TMTC1: variants seen among roughly 807,000 people sequenced by gnomAD.
TMTC1 encodes the protein protein O-mannosyl-transferase TMTC1.
A neutral mutation model predicts 104.8 loss-of-function variants in TMTC1; 73 were observed. The ratio of observed to expected loss-of-function variants is 0.70; its 90% confidence interval spans 0.58 to 0.85. The LOEUF is 0.85. Among genes scored for constraint, TMTC1 ranks in the 40% least tolerant of loss-of-function variants. The pLI, the probability that TMTC1 is intolerant of heterozygous loss-of-function variation, is 0.00. For synonymous variants in TMTC1, 434 were observed against 428.7 expected (o/e 1.01, Z -0.15); for missense variants, 1,035 against 1,096.1 (o/e 0.94, Z 0.79).
intron 9 of TMTC1, among the ~76,000 whole-genome samples, chr12:29,565,575 A>G (rs1164961604): frequency 1.3e-5 from 2 of 152,170 alleles, no homozygotes; most frequent in Non-Finnish European, 1.5e-5. Context: ...GGCCAGGTGG[A>G]GTGGCTCACG....
In TMTC1 at chr12:29,502,974, T is replaced by C. The variant is rs1565628210; in HGVS notation, c.*3872A>G. The C allele has an allele frequency of 6.6e-6, 1 of 152,224 alleles. No homozygotes were observed. The highest frequency in any genetic ancestry group is 1.5e-5 in the Non-Finnish European group (1 of 68,048). 9.4% of individuals were successfully genotyped at this position (152,224 alleles called of 1,614,324 possible). ...TTCAATCTGAGAACCTGGAATGTTT[T>C]ACAATGAAAACAGGAAACCCACATT... On this transcript the variant is annotated 3_prime_UTR_variant, in exon 18 of 18. Transcript: ENST00000539277.
intron 5 of TMTC1, among the ~76,000 whole-genome samples, chr12:29,672,258 TAC>T (rs1363805877): frequency 6.6e-6 from 1 of 151,994 alleles, no homozygotes; most frequent in East Asian, 1.9e-4. Context: ...CCTGCAGGAG[TAC>T]ACACAGAAGA....
chr12:29,520,802 C>CAA (rs113588704), intron 11 of TMTC1, 82 bp from the exon 12 acceptor site: 37 of 941,156 alleles, frequency 3.9e-5, no homozygotes, highest in East Asian at 5.7e-5. Flanking sequence ...GCAGGAAAAG[C>CAA]AAAAAAAAAA....
intron 7 of TMTC1, among the ~76,000 whole-genome samples, chr12:29,599,588 A>G (rs1194626050): frequency 6.6e-6 from 1 of 152,172 alleles, no homozygotes; most frequent in Admixed American, 6.5e-5. Flanking sequence ...CTCATTCTGC[A>G]CTTTTCTTGT....
chr12:29,612,779 T>C (rs1946878235), intron 6 of TMTC1, among the ~76,000 whole-genome samples: 1 of 152,184 alleles, frequency 6.6e-6, no homozygotes, highest in Non-Finnish European at 1.5e-5. Context: ...CTGATCACAG[T>C]GGGATAAAAC....
At chr12:29,552,259 C>G (rs1333809006) in intron 10 of TMTC1, among the ~76,000 whole-genome samples, 1 of 151,648 alleles carries the variant, frequency 6.6e-6, no homozygotes, top group Non-Finnish European at 1.5e-5. Flanking sequence ...ACATTGCATT[C>G]CAAATATTTC....
chr12:29,611,901 C>G (rs1946855087), intron 6 of TMTC1, among the ~76,000 whole-genome samples: 1 of 152,122 alleles, frequency 6.6e-6, no homozygotes, highest in African/African-American at 2.4e-5. Flanking sequence ...ATATGCCAGA[C>G]ACTTGACTTA....
chr12:29,634,985 C>T (rs1213774217), intron 5 of TMTC1, among the ~76,000 whole-genome samples: 1 of 152,142 alleles, frequency 6.6e-6, no homozygotes, highest in Admixed American at 6.5e-5. Flanking sequence ...AGCCATCAGG[C>T]TGCAGGGCAG....
At chr12:29,718,416 A>T (rs1321218945) in intron 5 of TMTC1, among the ~76,000 whole-genome samples, 1 of 152,194 alleles carries the variant, frequency 6.6e-6, no homozygotes, top group East Asian at 1.9e-4. Context: ...TCCTGTAAAG[A>T]AGAGAGTCAC....
At chr12:29,681,155 C>A (rs1360098430) in intron 5 of TMTC1, among the ~76,000 whole-genome samples, 6 of 147,490 alleles carry the variant, frequency 4.1e-5, no homozygotes, top group Non-Finnish European at 7.5e-5. Context: ...GAATATAAAG[C>A]ATGACAACTG....
At chr12:29,772,618 G>A (rs1268857947) in intron 1 of TMTC1, among the ~76,000 whole-genome samples, 1 of 152,082 alleles carries the variant, frequency 6.6e-6, no homozygotes, top group Non-Finnish European at 1.5e-5. Flanking sequence ...AGTACTGAGA[G>A]GCAGGCTTCA....
intron 1 of TMTC1, among the ~76,000 whole-genome samples, chr12:29,777,945 T>C (rs796699057): frequency 1.3e-5 from 2 of 152,296 alleles, no homozygotes; most frequent in African/African-American, 4.8e-5. Context: ...CACCGTTTCT[T>C]TAAGGTTGTG....
chr12:29,507,918 C>T (rs1430320261), intron 17 of TMTC1, among the ~76,000 whole-genome samples: 1 of 152,166 alleles, frequency 6.6e-6, no homozygotes, highest in Admixed American at 6.6e-5. Context: ...GGATAAACAC[C>T]AGTGACCCTC....
At chr12:29,622,181 C>T (rs2136463919) in intron 6 of TMTC1, among the ~76,000 whole-genome samples, 1 of 152,244 alleles carries the variant, frequency 6.6e-6, no homozygotes, top group African/African-American at 2.4e-5. Context: ...ATCAGTAGCC[C>T]ACCTCTTTTT....
At chr12:29,671,170 C>A (rs1439601705) in intron 5 of TMTC1, among the ~76,000 whole-genome samples, 1 of 150,998 alleles carries the variant, frequency 6.6e-6, no homozygotes. Flanking sequence ...GTGGCATGTG[C>A]CTGTAATCCC....
rs1943625571 is a variant in TMTC1 at position 29,502,920 on chromosome 12, A to C, written c.*3926T>G. On this transcript the variant is annotated 3_prime_UTR_variant, in exon 18 of 18. Transcript: ENST00000539277. ...TGAGAGCCACTACGTGTGAGGGAACAGATGTCAACTATCAGCTGAATGTAG... is the reference window on the plus strand; with the variant it reads ...TGAGAGCCACTACGTGTGAGGGAACCGATGTCAACTATCAGCTGAATGTAG... 6.6e-6 allele frequency: 1 copy of C among 152,196 alleles called. No homozygotes were observed. The highest frequency in any genetic ancestry group is 1.5e-5 in the Non-Finnish European group (1 of 68,036). 9.4% of individuals were successfully genotyped at this position (152,196 alleles called of 1,614,324 possible). A position where few individuals can be genotyped will look rare whatever the true frequency, so the allele number is the denominator to read the frequency against.
intron 5 of TMTC1, among the ~76,000 whole-genome samples, chr12:29,671,911 C>A (rs1228660063): frequency 6.6e-6 from 1 of 152,150 alleles, no homozygotes; most frequent in African/African-American, 2.4e-5. Context: ...GGGAGAGGTG[C>A]CCCAGGCAGC....
intron 17 of TMTC1, among the ~76,000 whole-genome samples, chr12:29,511,789 C>T (rs1395865852): frequency 6.6e-6 from 1 of 152,070 alleles, no homozygotes; most frequent in Non-Finnish European, 1.5e-5. Context: ...ATATGATTTT[C>T]TTCATGGTTA....
intron 11 of TMTC1, among the ~76,000 whole-genome samples, chr12:29,524,693 T>C (rs1401091169): frequency 6.6e-6 from 1 of 152,196 alleles, no homozygotes; most frequent in East Asian, 1.9e-4. Flanking sequence ...ACCTATGATG[T>C]AGGTTAAAAG....
Sources: gnomAD v4.1 joint callset for allele counts (sites outside exome capture counted in the v4.1 genomes callset) on GRCh38, gnomAD v4.1.1 for gene constraint, MANE v1.5 for transcripts, NCBI Gene and HGNC (gene_info 2026-07-23, HGNC 2026-07-21) for gene names.